Variants in PCDH15 observed in about 807,000 individuals in gnomAD.
PCDH15 encodes the protein protocadherin related 15.
PCDH15 carries 129 observed loss-of-function variants against 178.5 expected under a neutral mutation model. The observed-to-expected ratio is 0.72, with a 90% confidence interval of 0.63 to 0.84. PCDH15 has a LOEUF of 0.84. Among genes scored for constraint, PCDH15 ranks in the 40% least tolerant of loss-of-function variants. The pLI is 0.00. For synonymous variants in PCDH15, 800 were observed against 732.0 expected (o/e 1.09, Z -1.50); for missense variants, 2,230 against 2,099.9 (o/e 1.06, Z -1.21).
chr10:53,985,705 C>T (rs899118900), intron 21 of PCDH15, among the ~76,000 whole-genome samples: 1 of 152,064 alleles, frequency 6.6e-6, no homozygotes, highest in African/African-American at 2.4e-5. Flanking sequence ...ACCTTCCTGA[C>T]TCCCTACTAC....
chr10:55,435,656 G>GA (rs1348891214), intron 2 of PCDH15, among the ~76,000 whole-genome samples: 3 of 151,708 alleles, frequency 2.0e-5, no homozygotes, highest in Admixed American at 6.6e-5. Context: ...TAAAAGATGG[G>GA]AAAAAAAGTG....
At chr10:54,990,100 C>T (rs1264448774) in intron 2 of PCDH15, among the ~76,000 whole-genome samples, 2 of 152,178 alleles carry the variant, frequency 1.3e-5, no homozygotes, top group Non-Finnish European at 2.9e-5. Context: ...CATTAAACCT[C>T]GTTCCTTTGT....
In PCDH15 at chr10:53,959,756, G is replaced by A; in HGVS notation, c.3098C>T (p.Pro1033Leu). 2.5e-6 allele frequency: 4 copies of A among 1,613,022 alleles called. No homozygotes were observed. Among genetic ancestry groups the A allele is most frequent in the Non-Finnish European group, 3.4e-6 (4 of 1,179,132 alleles). ...CCTATATTCCTCCTGTGTGAAGCGT[G>A]GGATCTCACCAGGATGTAAGACAAG... ...KILVLHPGEI[P>L]RFTQEEYRPP... is the part of the protein sequence containing the mutation. Residue 1033 changes from proline (P) to leucine (L), a missense_variant, in exon 23 of 38, where the codon CCA becomes CTA. Pro to Leu is a moderately conservative substitution (Grantham distance 98, BLOSUM62 -3). Transcript: ENST00000644397.
intron 3 of PCDH15, among the ~76,000 whole-genome samples, chr10:54,875,054 A>G (rs931130055): frequency 5.3e-5 from 8 of 152,110 alleles, no homozygotes; most frequent in African/African-American, 1.9e-4. Flanking sequence ...TTTTTTACAA[A>G]TTGAAGGTTT....
intron 2 of PCDH15, among the ~76,000 whole-genome samples, chr10:55,069,499 T>C (rs1277372042): frequency 7.3e-6 from 1 of 136,718 alleles, no homozygotes; most frequent in African/African-American, 2.7e-5. Flanking sequence ...CATTGTTCAA[T>C]TCCCACCTAT....
intron 2 of PCDH15, among the ~76,000 whole-genome samples, chr10:54,537,691 C>T (rs2084735295): frequency 2.6e-5 from 4 of 152,136 alleles, no homozygotes; most frequent in Admixed American, 2.6e-4. Flanking sequence ...TTTTGAGAAT[C>T]TCCAAATTTC....
Position 54,784,948 on chromosome 10 carries a change from T to C in PCDH15, c.-29+15977A>G, listed in dbSNP as rs143048129. Among the ~76,000 whole-genome samples, 84 of 152,062 alleles carry C rather than the reference T, an allele frequency of 5.5e-4. 1 individual carries two copies. In the East Asian group the frequency reaches 0.014, roughly 26 times the overall value. On this transcript the variant is annotated intron_variant, in intron 1 of 37. Coordinates refer to ENST00000644397, the MANE Select transcript of PCDH15 (RefSeq NM_001384140.1). ...AACCCCCATCGCATACTGAACCCAT[T>C]AATGGCTTCATTTCCATCATGTCAG...
At chr10:54,719,172 C>T (rs2095516031) in intron 1 of PCDH15, among the ~76,000 whole-genome samples, 1 of 149,796 alleles carries the variant, frequency 6.7e-6, no homozygotes, top group African/African-American at 2.5e-5. Flanking sequence ...CATTAAAAAA[C>T]AAACAGAATT....
At chr10:55,585,972 G>T (rs1296358318) in intron 2 of PCDH15, among the ~76,000 whole-genome samples, 1 of 152,016 alleles carries the variant, frequency 6.6e-6, no homozygotes, top group Non-Finnish European at 1.5e-5. Context: ...TGGTCTAAAT[G>T]TAAAAGACTC....
At chr10:53,996,242 A>G (rs2134913569) in intron 20 of PCDH15, among the ~76,000 whole-genome samples, 1 of 152,288 alleles carries the variant, frequency 6.6e-6, no homozygotes, top group South Asian at 2.1e-4. Context: ...AAACTGTGAA[A>G]TATCCTTTGT....
rs1841096675 is a variant in PCDH15 at position 55,519,223 on chromosome 10, T to C, written c.-156+108402A>G. ...TCCCTGTTGACTGAAAACCCACCCT[T>C]CATGTTTCTCTCCTCTTTCTTTAAT... is the stretch of plus-strand genomic sequence containing the variant. On this transcript the variant is annotated intron_variant, in intron 2 of 5. Transcript: ENST00000613346. 2.0e-5 allele frequency among the ~76,000 whole-genome samples: 3 copies of C among 150,196 alleles called. No individual in the cohort carries two copies. The South Asian group carries it at 6.4e-4, about 32-fold the overall frequency.
intron 3 of PCDH15, among the ~76,000 whole-genome samples, chr10:54,882,239 A>G (rs1209261798): frequency 6.6e-6 from 1 of 152,100 alleles, no homozygotes; most frequent in African/African-American, 2.4e-5. Context: ...TAGATACAGT[A>G]AGCAATTGTT....
intron 23 of PCDH15, among the ~76,000 whole-genome samples, chr10:53,951,298 C>A (rs1451082863): frequency 6.6e-6 from 1 of 151,966 alleles, no homozygotes. Flanking sequence ...GGATATTACC[C>A]GGACTTAATT....
chr10:54,218,784 T>A (rs190779099), intron 9 of PCDH15, among the ~76,000 whole-genome samples: 1 of 152,128 alleles, frequency 6.6e-6, no homozygotes, highest in East Asian at 1.9e-4. Context: ...AATATGTTAT[T>A]TGATTAAGTG....
At chr10:54,948,352 G>C (rs780538735) in intron 2 of PCDH15, among the ~76,000 whole-genome samples, 7 of 151,858 alleles carry the variant, frequency 4.6e-5, no homozygotes, top group Non-Finnish European at 1.0e-4. Flanking sequence ...ATTCTATTCA[G>C]GTCATCAAGT....
At chr10:54,167,621 C>T (rs2046361921) in intron 13 of PCDH15, among the ~76,000 whole-genome samples, 1 of 151,868 alleles carries the variant, frequency 6.6e-6, no homozygotes, top group Non-Finnish European at 1.5e-5. Flanking sequence ...CTCTCCTTGT[C>T]TCTAACCCTT....
chr10:54,329,574 T>G, intron 7 of PCDH15, 22 bp downstream of exon 7: 2 of 1,514,496 alleles, frequency 1.3e-6, no homozygotes, highest in African/African-American at 2.8e-5. Context: ...CAGAAGAAAT[T>G]TAAAAGAAAT....
chr10:55,546,994 G>A (rs761190448), intron 2 of PCDH15, among the ~76,000 whole-genome samples: 5 of 152,012 alleles, frequency 3.3e-5, no homozygotes, highest in Non-Finnish European at 5.9e-5. Flanking sequence ...TCCGAAAGTA[G>A]TGTAGTTCTG....
At chr10:55,336,319 G>A (rs1399398804) in intron 2 of PCDH15, among the ~76,000 whole-genome samples, 1 of 151,774 alleles carries the variant, frequency 6.6e-6, no homozygotes, top group Admixed American at 6.6e-5. Context: ...CCAACATGGT[G>A]AAACCCCCTC....
Sources: gnomAD v4.1 joint callset for allele counts (sites outside exome capture counted in the v4.1 genomes callset) on GRCh38, gnomAD v4.1.1 for gene constraint, MANE v1.5 for transcripts, NCBI Gene and HGNC (gene_info 2026-07-23, HGNC 2026-07-21) for gene names.